Variants in USP19 observed in about 807,000 individuals in gnomAD.
USP19 encodes the protein ubiquitin carboxyl-terminal hydrolase 19.
USP19 carries 40 observed loss-of-function variants against 144.8 expected under a neutral mutation model. That is an observed-to-expected ratio of 0.28 (90% confidence interval 0.21 to 0.36). USP19 has a LOEUF of 0.36. Among genes scored for constraint, USP19 ranks in the 10% least tolerant of loss-of-function variants. The pLI, the probability that USP19 is intolerant of heterozygous loss-of-function variation, is 1.00. For synonymous variants in USP19, 701 were observed against 709.3 expected, an observed-to-expected ratio of 0.99 and a Z score of 0.19; for missense variants, 1,518 against 1,822.5, an observed-to-expected ratio of 0.83 and a Z score of 3.04.
intron 17 of USP19, among the ~76,000 whole-genome samples, chr3:49,113,201 T>A (rs551157945): frequency 1.3e-5 from 2 of 152,334 alleles, no homozygotes; most frequent in African/African-American, 4.8e-5. Flanking sequence ...GCACTTCTGT[T>A]GCACAGAAAA....
In USP19 at chr3:49,118,064, G is replaced by C. The variant is rs553031817; in HGVS notation, c.181C>G (p.Pro61Ala). 6.3e-6 allele frequency: 10 copies of C among 1,583,660 alleles called. No individual in the cohort carries two copies. The East Asian group carries it at 2.0e-4, about 32-fold the overall frequency. The change falls in exon 3 of 27, where the codon CCT becomes GCT. Residue 61 changes from proline (P) to alanine (A), a missense_variant. Coordinates refer to ENST00000417901, the MANE Select transcript of USP19 (RefSeq NM_001199161.2). ...AGLEPLASGDPSASASHAAGI... is the reference protein window; with the variant it reads ...AGLEPLASGDASASASHAAGI... ...GCTGCATGGGAGGCTGAGGCAGAAG[G>C]ATCACCTGAGGCCAGAGGTTCAAGA...
rs769638451 is a variant in USP19, at chr3:49,114,076, G to A, written c.2421C>T (p.Ser807=). 3.1e-6 allele frequency: 5 copies of A among 1,614,214 alleles called. No homozygotes were observed. The South Asian group carries it at 5.5e-5, about 18-fold the overall frequency. The change falls in exon 17 of 27, where the codon AGC becomes AGT. Residue 807 remains serine, a synonymous_variant. Coordinates refer to ENST00000417901, the MANE Select transcript of USP19 (RefSeq NM_001199161.2). The surrounding 1 kb of genome is among the most constrained non-coding windows in gnomAD (Gnocchi z 4.5). ...SKPIKFLVSV[S]KENSTASEVL... is the part of the protein sequence containing the mutation. ...CTTCGCTCGCAGTGGAGTTCTCCTT[G>A]CTGACGCTCACCAGGAACTGTGGCA...
intron 26 of USP19, chr3:49,109,141 C>A: frequency 6.6e-7 from 1 of 1,519,766 alleles, no homozygotes; most frequent in Non-Finnish European, 8.8e-7. Flanking sequence ...ACCCCTCAGG[C>A]ACCGGCTCCT....
Position 49,118,079 on chromosome 3 carries a change from G to C in USP19, c.166C>G (p.Leu56Val), listed in dbSNP as rs751404447. The C allele has an allele frequency of 3.2e-6, 5 of 1,548,398 alleles. No individual in the cohort carries two copies. The highest frequency in any genetic ancestry group is 1.4e-5 in the African/African-American group (1 of 72,352). Reference protein sequence around the residue: ...RYVAQAGLEPLASGDPSASAS... With the variant: ...RYVAQAGLEPVASGDPSASAS... ...GAGGCAGAAGGATCACCTGAGGCCA[G>C]AGGTTCAAGACCAGCCTGGGCAACA... is the stretch of plus-strand genomic sequence containing the variant. The change falls in exon 3 of 27, where the codon CTG becomes GTG. Residue 56 changes from leucine (L) to valine (V), a missense_variant. Physicochemically the swap from Leu to Val is conservative, Grantham distance 32. Coordinates refer to ENST00000417901, the MANE Select transcript of USP19 (RefSeq NM_001199161.2).
Position 49,114,557 on chromosome 3 carries a change from T to C in USP19, c.2292+206A>G, listed in dbSNP as rs935494547. On this transcript the variant is annotated intron_variant, in intron 15 of 26. Coordinates refer to ENST00000417901, the MANE Select transcript of USP19 (RefSeq NM_001199161.2). The surrounding 1 kb of genome is among the most constrained non-coding windows in gnomAD (Gnocchi z 4.5). ...TGCCCACAACCCTGCTACAACACCTTTGAGCTCTAACATCACTTTTCCCTC... is the reference window on the plus strand; with the variant it reads ...TGCCCACAACCCTGCTACAACACCTCTGAGCTCTAACATCACTTTTCCCTC... Among the ~76,000 whole-genome samples, 5 of 152,344 alleles carry C rather than the reference T, an allele frequency of 3.3e-5. No individual in the cohort carries two copies. The highest frequency in any genetic ancestry group is 5.9e-5 in the Non-Finnish European group (4 of 68,036).
Position 49,119,284 on chromosome 3 carries a change from A to C in USP19, c.-136-3T>G. ...TTCTCCAGCAAGGAACGGACAGCCT[A>C]ATGGAAAGAAGCCAGTGATCACTGC... On this transcript the variant is annotated splice_polypyrimidine_tract_variant and splice_region_variant and intron_variant, in intron 1 of 26. Coordinates refer to ENST00000417901, the MANE Select transcript of USP19 (RefSeq NM_001199161.2). 1 of 1,214,264 alleles carries C rather than the reference A, an allele frequency of 8.2e-7. No homozygotes were observed. Among genetic ancestry groups the C allele is most frequent in the East Asian group, 2.5e-5 (1 of 39,496 alleles). 75.2% of individuals were successfully genotyped at this position (1,214,264 alleles called of 1,614,324 possible).
rs2042696166 is a variant in USP19 at position 49,108,776 on chromosome 3, A to G, written c.4039-248T>C. On this transcript the variant is annotated intron_variant, in intron 26 of 26. Coordinates refer to ENST00000417901, the MANE Select transcript of USP19 (RefSeq NM_001199161.2). The surrounding 1 kb of genome is among the most constrained non-coding windows in gnomAD (Gnocchi z 4.8). ...GGTCAGAGCAGCAGGATGAATGGAC[A>G]GACAGCCAGATGGATACACACCCTA... 3.5e-6 allele frequency: 5 copies of G among 1,409,816 alleles called. No individual in the cohort carries two copies. The highest frequency in any genetic ancestry group is 2.9e-5 in the African/African-American group (2 of 69,106). The allele number at this position is 1,409,816 out of a possible 1,614,324, so 87.3% of individuals were successfully genotyped here.
In USP19 at chr3:49,112,137, G is replaced by A; in HGVS notation, c.2766-89C>T. On this transcript the variant is annotated intron_variant, in intron 19 of 26. Transcript: ENST00000417901. This position sits in a 1 kb window ranked among gnomAD's most constrained non-coding sequence, Gnocchi z 4.9. The stretch of plus-strand genomic sequence containing the variant: ...GCTAGTCATAGTCCCTGGGAACTGG[G>A]TACGCCAGCCCTGCCTCCCCCAGAG... 1.9e-6 allele frequency: 3 copies of A among 1,562,738 alleles called. No individual in the cohort carries two copies. The highest frequency in any genetic ancestry group is 2.6e-6 in the Non-Finnish European group (3 of 1,153,000).
Position 49,114,433 on chromosome 3 carries a change from G to T in USP19, c.2293-149C>A. 2.8e-6 allele frequency: 2 copies of T among 706,598 alleles called. No individual in the cohort carries two copies. Among genetic ancestry groups the T allele is most frequent in the Non-Finnish European group, 2.4e-6 (1 of 422,232 alleles). 43.8% of individuals were successfully genotyped at this position (706,598 alleles called of 1,614,324 possible). A position where few individuals can be genotyped will look rare whatever the true frequency, so the allele number is the denominator to read the frequency against. On this transcript the variant is annotated intron_variant, in intron 15 of 26. Transcript: ENST00000417901. This position sits in a 1 kb window ranked among gnomAD's most constrained non-coding sequence, Gnocchi z 4.5. ...CTCAGGCTTCAGGACACTAGACAGG[G>T]CAGGAGGACCACCAGGAAATAACAA...
rs761076453 is a variant in USP19, at chr3:49,116,593, C to A, written c.1141G>T (p.Val381Leu). The change falls in exon 8 of 27, where the codon GTG becomes TTG. Residue 381 changes from valine (V) to leucine (L), a missense_variant. Val to Leu is a conservative substitution (Grantham distance 32). Transcript: ENST00000417901. This position sits in a 1 kb window ranked among gnomAD's most constrained non-coding sequence, Gnocchi z 5.0. ...TCATTCTTGACAAACGCCAGGTTCA[C>A]CATCGACTCGGGCTCTATATTGAGA... ...ATLVDEPESM[V>L]NLAFVKNDSY... The A allele has an allele frequency of 8.1e-6, 13 of 1,614,178 alleles. No individual in the cohort carries two copies. The East Asian group carries it at 2.9e-4, about 36-fold the overall frequency.
Position 49,114,316 on chromosome 3 carries a change from C to T in USP19, c.2293-32G>A. The T allele has an allele frequency of 6.3e-7, 1 of 1,597,876 alleles. No individual in the cohort carries two copies. Among genetic ancestry groups the T allele is most frequent in the Non-Finnish European group, 8.6e-7 (1 of 1,165,822 alleles). On this transcript the variant is annotated intron_variant, in intron 15 of 26. Transcript: ENST00000417901. This position sits in a 1 kb window ranked among gnomAD's most constrained non-coding sequence, Gnocchi z 4.5. ...ATGTAGAGGTGGCACTGGGTAGCTG[C>T]ACACAGAGTGGGAGATAAGATGCTC...
In USP19 at chr3:49,114,937, A is replaced by G. The variant is rs761228477; in HGVS notation, c.2181+22T>C. The G allele has an allele frequency of 6.2e-7, 1 of 1,614,006 alleles. No individual in the cohort carries two copies. Among genetic ancestry groups the G allele is most frequent in the South Asian group, 1.1e-5 (1 of 91,066 alleles). On this transcript the variant is annotated intron_variant, in intron 14 of 26. Coordinates refer to ENST00000417901, the MANE Select transcript of USP19 (RefSeq NM_001199161.2). This position sits in a 1 kb window ranked among gnomAD's most constrained non-coding sequence, Gnocchi z 4.5. ...GCTGGGATGCTCATGAGACATGCCC[A>G]CCCTCTGTCCCTAACCCTGACCTCA...
chr3:49,113,919 G>T, intron 17 of USP19, 73 bp downstream of exon 17: 1 of 1,504,276 alleles, frequency 6.6e-7, no homozygotes, highest in South Asian at 1.1e-5. Flanking sequence ...AGATGCCAAT[G>T]ACTGTACACA....
rs753678943 is a variant in USP19 at position 49,108,977 on chromosome 3, G to C, written c.4039-449C>G. The stretch of plus-strand genomic sequence containing the variant: ...GCGAGCTCATCTCCAGCGACTCTGG[G>C]ATACCAGAGGATAGAACACGTTGAG... On this transcript the variant is annotated intron_variant, in intron 26 of 26. Coordinates refer to ENST00000417901, the MANE Select transcript of USP19 (RefSeq NM_001199161.2). This position sits in a 1 kb window ranked among gnomAD's most constrained non-coding sequence, Gnocchi z 4.8. 28 of 1,611,838 alleles carry C rather than the reference G, an allele frequency of 1.7e-5. 1 individual carries two copies. The South Asian group carries it at 3.1e-4, about 18-fold the overall frequency.
At position 49,111,672 on chromosome 3, in the gene USP19, C is replaced by A; in HGVS notation, c.3045G>T (p.Glu1015Asp). 6.2e-7 allele frequency: 1 copy of A among 1,602,146 alleles called. No homozygotes were observed. Among genetic ancestry groups the A allele is most frequent in the Non-Finnish European group, 8.5e-7 (1 of 1,173,292 alleles). The change falls in exon 21 of 27, where the codon GAG (glutamate) becomes GAT (aspartate). Residue 1015 changes from glutamate to aspartate, a missense_variant. Around this residue, in one of 5 missense-constraint regions of USP19, gnomAD observed 413 missense variants for 515.8 expected, o/e 0.80. Coordinates refer to ENST00000417901, the MANE Select transcript of USP19 (RefSeq NM_001199161.2). The surrounding 1 kb of genome is among the most constrained non-coding windows in gnomAD (Gnocchi z 5.9). ...CAGCCATAGGGGTCACCAGCTGGAG[C>A]TCAGGTGGCTGAATGGGGTCTCTCT... ...DSERDPIQPP[E>D]LQLVTPMAEG...
At chr3:49,118,292 G>T (rs980119087) in intron 2 of USP19, among the ~76,000 whole-genome samples, 172 bp from the exon 3 acceptor site, 1 of 151,084 alleles carries the variant, frequency 6.6e-6, no homozygotes, top group Non-Finnish European at 1.5e-5. Context: ...AAAGGGACAG[G>T]CACGGTGGTT....
In USP19 at chr3:49,116,746, A is replaced by G. The variant is rs750525132; in HGVS notation, c.1107T>C (p.Asp369=). 1.2e-6 allele frequency: 2 copies of G among 1,611,702 alleles called. No homozygotes were observed. Among genetic ancestry groups the G allele is most frequent in the Admixed American group, 1.7e-5 (1 of 59,898 alleles). Residue 369 remains aspartate, a synonymous_variant, in exon 7 of 27, where the codon GAT becomes GAC. Transcript: ENST00000417901. This position sits in a 1 kb window ranked among gnomAD's most constrained non-coding sequence, Gnocchi z 5.0. Reference sequence around the variant, plus strand: ...CTTTACCATCCACCAAGGTTGCAGCATCTGCTGCCACTGCCATCTCCTCCT... The same window carrying G: ...CTTTACCATCCACCAAGGTTGCAGCGTCTGCTGCCACTGCCATCTCCTCCT... ...CAKEEMAVAA[D]AATLVDEPES... is the part of the protein sequence containing the mutation.
intron 26 of USP19, chr3:49,109,180 G>C (rs1399226289): frequency 1.4e-6 from 2 of 1,478,154 alleles, no homozygotes; most frequent in South Asian, 1.4e-5. Flanking sequence ...GCCAAATCCG[G>C]GAAGCCTAGG....
At position 49,116,691 on chromosome 3, in the gene USP19, C is replaced by T. The variant is rs745540727; in HGVS notation, c.1126+36G>A. On this transcript the variant is annotated intron_variant, in intron 7 of 26. Transcript: ENST00000417901. This position sits in a 1 kb window ranked among gnomAD's most constrained non-coding sequence, Gnocchi z 5.0. Reference sequence around the variant, plus strand: ...CTATCCACCTACAAACTTTGCAACCCAACCTAGGGCTCTGCCTGCCCACCC... The same window carrying T: ...CTATCCACCTACAAACTTTGCAACCTAACCTAGGGCTCTGCCTGCCCACCC... The T allele has an allele frequency of 3.1e-5, 49 of 1,605,996 alleles. No homozygotes were observed. The highest frequency in any genetic ancestry group is 4.1e-5 in the Non-Finnish European group (48 of 1,174,976).
Sources: allele counts gnomAD v4.1 joint callset (sites outside exome capture counted in the v4.1 genomes callset), GRCh38; gene constraint gnomAD v4.1.1; regional missense constraint gnomAD v4.1.1; non-coding constraint Gnocchi (gnomAD v3.1); transcripts MANE v1.5; gene names NCBI Gene and HGNC (gene_info 2026-07-23, HGNC 2026-07-21).